The following JOSD1 variants were observed in gnomAD, a reference collection of about 807,000 sequenced individuals.
JOSD1 encodes the protein josephin-1.
JOSD1 carries 11 observed loss-of-function variants against 24.3 expected under a neutral mutation model. The ratio of observed to expected loss-of-function variants is 0.45; its 90% confidence interval spans 0.29 to 0.75. The LOEUF (loss-of-function observed/expected upper bound fraction) is 0.75, where lower values mean the gene tolerates loss of function less well. Ranked by LOEUF, JOSD1 falls within the 30% of genes least tolerant of loss-of-function variation. JOSD1 has a pLI of 0.11. For missense variants in JOSD1, 184 were observed against 253.5 expected, an observed-to-expected ratio of 0.73 and a Z score of 1.86; for synonymous variants, 106 against 93.8, an observed-to-expected ratio of 1.13 and a Z score of -0.75.
intron 2 of JOSD1, among the ~76,000 whole-genome samples, chr22:38,696,383 G>A (rs574677912): frequency 1.6e-4 from 24 of 151,982 alleles, no homozygotes; most frequent in African/African-American, 4.8e-4. Flanking sequence ...GACTACAGGC[G>A]TGTGCCATCA....
chr22:38,691,487 G>T (rs966661164), intron 2 of JOSD1, among the ~76,000 whole-genome samples: 13 of 152,012 alleles, frequency 8.6e-5, no homozygotes, highest in African/African-American at 3.1e-4. Flanking sequence ...GGCATGCAAG[G>T]CCCTCAAGGT....
chr22:38,689,253 C>T (rs1291536154), intron 3 of JOSD1, 43 bp downstream of exon 3: 1 of 1,613,366 alleles, frequency 6.2e-7, no homozygotes, highest in Non-Finnish European at 8.5e-7. Flanking sequence ...GCTTATACCA[C>T]AACCGTGCTG....
intron 2 of JOSD1, among the ~76,000 whole-genome samples, chr22:38,692,664 C>T (rs1157496857): frequency 6.6e-6 from 1 of 151,102 alleles, no homozygotes; most frequent in Non-Finnish European, 1.5e-5. Context: ...GCCTGTAATC[C>T]CAGCTACTCG....
At chr22:38,688,284 C>T (rs2092506799) in intron 4 of JOSD1, among the ~76,000 whole-genome samples, 1 of 152,148 alleles carries the variant, frequency 6.6e-6, no homozygotes, top group African/African-American at 2.4e-5. Context: ...TGTTTGGAGA[C>T]GGAGTTTCGC....
rs1655709017 is a variant in JOSD1, at chr22:38,700,301, C to G, written c.-314G>C. On this transcript the variant is annotated 5_prime_UTR_variant, in exon 2 of 5. Coordinates refer to ENST00000683374, the MANE Select transcript of JOSD1 (RefSeq NM_001360236.2). The stretch of plus-strand genomic sequence containing the variant: ...GTTTCCCCACCCTTCCCTCCCACCC[C>G]CCTCCAAAATCCCCACGATTTTCTT... 2 of 1,038,748 alleles carry G rather than the reference C, an allele frequency of 1.9e-6. No individual in the cohort carries two copies. The highest frequency in any genetic ancestry group is 1.7e-4 in the East Asian group (2 of 11,642). 64.3% of individuals were successfully genotyped at this position (1,038,748 alleles called of 1,614,324 possible).
Position 38,689,145 on chromosome 22 carries a change from G to A in JOSD1, c.315-16C>T, listed in dbSNP as rs760952421. The A allele has an allele frequency of 1.9e-6, 3 of 1,608,910 alleles. No individual in the cohort carries two copies. The highest frequency in any genetic ancestry group is 1.7e-5 in the Admixed American group (1 of 59,838). On this transcript the variant is annotated splice_polypyrimidine_tract_variant and intron_variant, in intron 3 of 4. Coordinates refer to ENST00000683374, the MANE Select transcript of JOSD1 (RefSeq NM_001360236.2). ...ACCGACATCCCTGCAGGGGAGAAAT[G>A]GTGGCAGGCTCTGATGCAGCCCATT... is the stretch of plus-strand genomic sequence containing the variant.
At chr22:38,695,232 G>A (rs1208761200) in intron 2 of JOSD1, among the ~76,000 whole-genome samples, 1 of 152,014 alleles carries the variant, frequency 6.6e-6, no homozygotes, top group Admixed American at 6.6e-5. Flanking sequence ...AGTCTCTAGA[G>A]GTTAATACTT....
intron 2 of JOSD1, among the ~76,000 whole-genome samples, chr22:38,699,372 A>C (rs2092558000): frequency 6.6e-6 from 1 of 152,222 alleles, no homozygotes; most frequent in African/African-American, 2.4e-5. Flanking sequence ...CTGAACGTGT[A>C]CGTATCTAGT....
At chr22:38,688,464 T>C (rs1167655934) in intron 4 of JOSD1, among the ~76,000 whole-genome samples, 3 of 152,204 alleles carry the variant, frequency 2.0e-5, no homozygotes, top group Non-Finnish European at 4.4e-5. Flanking sequence ...AGTTTCACCG[T>C]GTTGGTCAGG....
intron 2 of JOSD1, among the ~76,000 whole-genome samples, chr22:38,693,968 T>C (rs1012580757): frequency 5.3e-5 from 8 of 152,252 alleles, no homozygotes; most frequent in African/African-American, 1.9e-4. Flanking sequence ...GTTGGAGAAT[T>C]CAGTTATTTC....
Position 38,700,087 on chromosome 22 carries a change from A to C in JOSD1, c.-100T>G. 1.3e-6 allele frequency: 2 copies of C among 1,482,136 alleles called. No individual in the cohort carries two copies. The highest frequency in any genetic ancestry group is 1.8e-6 in the Non-Finnish European group (2 of 1,118,860). The allele number at this position is 1,482,136 out of a possible 1,614,324, so 91.8% of individuals were successfully genotyped here. A position where few individuals can be genotyped will look rare whatever the true frequency, so the allele number is the denominator to read the frequency against. On this transcript the variant is annotated 5_prime_UTR_variant, in exon 2 of 5. Transcript: ENST00000683374. ...AGTCTTTTCCGGATTCCTGAGGTCC[A>C]CCTTATTCTCTGGTGTCCATGATTT...
intron 2 of JOSD1, among the ~76,000 whole-genome samples, chr22:38,696,220 T>C (rs1420298099): frequency 6.6e-6 from 1 of 151,918 alleles, no homozygotes; most frequent in Non-Finnish European, 1.5e-5. Flanking sequence ...ATGACCCTTT[T>C]TTTCAAACCT....
intron 2 of JOSD1, among the ~76,000 whole-genome samples, chr22:38,694,617 C>A (rs566683210): frequency 6.6e-6 from 1 of 152,148 alleles, no homozygotes; most frequent in East Asian, 1.9e-4. Context: ...AATCCCAGCA[C>A]TCTGGGAGGC....
chr22:38,692,135 C>A (rs2092525480), intron 2 of JOSD1, among the ~76,000 whole-genome samples: 1 of 152,156 alleles, frequency 6.6e-6, no homozygotes, highest in Admixed American at 6.5e-5. Flanking sequence ...ATTGAAAAAT[C>A]TCTGTGCCAA....
Position 38,700,110 on chromosome 22 carries a change from T to G in JOSD1, c.-123A>C. On this transcript the variant is annotated 5_prime_UTR_variant, in exon 2 of 5. Coordinates refer to ENST00000683374, the MANE Select transcript of JOSD1 (RefSeq NM_001360236.2). The stretch of plus-strand genomic sequence containing the variant: ...CCACCTTATTCTCTGGTGTCCATGA[T>G]TTATGCTTTGTCACTGGGAGAAAAG... The G allele has an allele frequency of 3.6e-6, 5 of 1,405,474 alleles. No homozygotes were observed. The highest frequency in any genetic ancestry group is 4.6e-6 in the Non-Finnish European group (5 of 1,077,678). 87.1% of individuals were successfully genotyped at this position (1,405,474 alleles called of 1,614,324 possible). A position where few individuals can be genotyped will look rare whatever the true frequency, so the allele number is the denominator to read the frequency against.
chr22:38,700,639 C>G (rs1001717765), intron 1 of JOSD1, 21 bp from the exon 2 acceptor site: 4 of 984,782 alleles, frequency 4.1e-6, no homozygotes, highest in Non-Finnish European at 2.4e-6. Context: ...GGAGACAACT[C>G]CGGTCAGCGG....
At position 38,700,894 on chromosome 22, in the gene JOSD1, G is replaced by A; in HGVS notation, c.-726C>T. 1.0e-6 allele frequency: 1 copy of A among 984,474 alleles called. No homozygotes were observed. 61.0% of individuals were successfully genotyped at this position (984,474 alleles called of 1,614,324 possible). A position where few individuals can be genotyped will look rare whatever the true frequency, so the allele number is the denominator to read the frequency against. ...CCGCCGGGACTGCTCGCCGCTGGCG[G>A]TCCCCTCACCGCAGCCGGCCGCCAC... On this transcript the variant is annotated 5_prime_UTR_variant, in exon 1 of 5. Coordinates refer to ENST00000683374, the MANE Select transcript of JOSD1 (RefSeq NM_001360236.2).
rs778153828 is a variant in JOSD1 at position 38,699,856 on chromosome 22, G to A, written c.132C>T (p.Val44=). 11 of 1,614,226 alleles carry A rather than the reference G, an allele frequency of 6.8e-6. No homozygotes were observed. The highest frequency in any genetic ancestry group is 8.5e-6 in the Non-Finnish European group (10 of 1,180,030). The change falls in exon 2 of 5, where the codon GTC becomes GTT. Residue 44 remains valine, a synonymous_variant. Coordinates refer to ENST00000683374, the MANE Select transcript of JOSD1 (RefSeq NM_001360236.2). ...GGGTGAAGGCATTGCTGTCCTGGAAGACGTTATTGAGGGCGTGGAGGGCAC... is the reference window on the plus strand; with the variant it reads ...GGGTGAAGGCATTGCTGTCCTGGAAAACGTTATTGAGGGCGTGGAGGGCAC... ...ELCALHALNN[V]FQDSNAFTRD... is the part of the protein sequence containing the mutation.
chr22:38,692,964 C>T (rs1569264814), intron 2 of JOSD1, among the ~76,000 whole-genome samples: 7 of 152,112 alleles, frequency 4.6e-5, no homozygotes, highest in Middle Eastern at 3.4e-3. Context: ...CCTCATTCAC[C>T]ATCTAACTCC....
Sources: allele counts gnomAD v4.1 joint callset (sites outside exome capture counted in the v4.1 genomes callset), GRCh38; gene constraint gnomAD v4.1.1; transcripts MANE v1.5; gene names NCBI Gene and HGNC (gene_info 2026-07-23, HGNC 2026-07-21).